Variants in PCDHGA3 observed in about 807,000 individuals in gnomAD.
PCDHGA3 encodes the protein protocadherin gamma subfamily A, 3.
In PCDHGA3, 40 loss-of-function variants were observed where a neutral mutation model predicts 58.5. The observed-to-expected ratio is 0.68, with a 90% CI of 0.53 to 0.89. PCDHGA3 has a LOEUF of 0.89. Among genes scored for constraint, PCDHGA3 ranks in the 40% least tolerant of loss-of-function variants. PCDHGA3 has a pLI of 0.00. For synonymous variants in PCDHGA3, 530 were observed against 525.7 expected (o/e 1.01, Z -0.11); for missense variants, 1,223 against 1,195.9 (o/e 1.02, Z -0.33).
chr5:141,455,104 G>T (rs2098813087), intron 1 of PCDHGA3, among the ~76,000 whole-genome samples: 1 of 151,780 alleles, frequency 6.6e-6, no homozygotes, highest in Non-Finnish European at 1.5e-5. Flanking sequence ...GAGCCACTGC[G>T]CCCGGTGGGT....
At chr5:141,374,130 T>A (rs368568776) in intron 1 of PCDHGA3, 2 of 1,604,204 alleles carry the variant, frequency 1.2e-6, no homozygotes, top group Middle Eastern at 1.7e-4. Context: ...CAGGTCCTGC[T>A]CCTCACGCTC....
Position 141,477,876 on chromosome 5 carries a change from G to A in PCDHGA3, c.2425-16931G>A, listed in dbSNP as rs1412801533. The A allele has an allele frequency of 4.3e-6, 7 of 1,614,144 alleles. No individual in the cohort carries two copies. Among genetic ancestry groups the A allele is most frequent in the Non-Finnish European group, 5.9e-6 (7 of 1,180,030 alleles). ...ATGCTGCCTCGAGGTACCTCAGCTG[G>A]CCACCTAGTGTCACGGGTGGTAGGC... On this transcript the variant is annotated intron_variant, in intron 1 of 3. Coordinates refer to ENST00000253812, the MANE Select transcript of PCDHGA3 (RefSeq NM_018916.4). The surrounding 1 kb of genome is among the most constrained non-coding windows in gnomAD (Gnocchi z 4.9).
At chr5:141,382,059 C>T (rs1480800714) in intron 1 of PCDHGA3, among the ~76,000 whole-genome samples, 1 of 151,960 alleles carries the variant, frequency 6.6e-6, no homozygotes, top group South Asian at 2.1e-4. Context: ...AAGCTCCCGA[C>T]CTCAGGTGAT....
rs1302801559 is a variant in PCDHGA3 at position 141,343,839 on chromosome 5, T to C, written c.-195T>C. On this transcript the variant is annotated 5_prime_UTR_variant, in exon 1 of 4. Transcript: ENST00000253812. ...CTGGAGAACTAGTCCACCATTTCCT[T>C]GCTCCTAAAATGCAAAGAACCAGCA... 3 of 508,398 alleles carry C rather than the reference T, an allele frequency of 5.9e-6. No individual in the cohort carries two copies. Among genetic ancestry groups the C allele is most frequent in the Admixed American group, 7.5e-5 (2 of 26,748 alleles). 31.5% of individuals were successfully genotyped at this position (508,398 alleles called of 1,614,324 possible).
intron 1 of PCDHGA3, among the ~76,000 whole-genome samples, chr5:141,363,857 T>C (rs1243466547): frequency 6.6e-6 from 1 of 152,164 alleles, no homozygotes; most frequent in African/African-American, 2.4e-5. Context: ...GGACTAAATA[T>C]AGATAAGAGG....
intron 1 of PCDHGA3, chr5:141,415,215 C>A: frequency 6.2e-7 from 1 of 1,614,106 alleles, no homozygotes; most frequent in South Asian, 1.1e-5. Flanking sequence ...CGGACCTCGG[C>A]AGCTTCGAGT....
intron 1 of PCDHGA3, chr5:141,441,795 C>T (rs569465359): frequency 2.6e-6 from 1 of 387,758 alleles, no homozygotes; most frequent in Non-Finnish European, 5.1e-6. Flanking sequence ...TGACAACGCA[C>T]CGCGGGTGCT....
chr5:141,451,322 T>C (rs1452969719), intron 1 of PCDHGA3, among the ~76,000 whole-genome samples: 1 of 152,236 alleles, frequency 6.6e-6, no homozygotes, highest in African/African-American at 2.4e-5. Flanking sequence ...AAGTGTCACC[T>C]AAGGCTATTG....
At chr5:141,483,907 C>A (rs545585133) in intron 1 of PCDHGA3, among the ~76,000 whole-genome samples, 1 of 151,240 alleles carries the variant, frequency 6.6e-6, no homozygotes, top group East Asian at 1.9e-4. Context: ...TGGTGTGTTT[C>A]CCACTCAGAT....
At position 141,389,059 on chromosome 5, in the gene PCDHGA3, T is replaced by C. The variant is rs773183818; in HGVS notation, c.2424+42602T>C. The stretch of plus-strand genomic sequence containing the variant: ...TTGGAAGGTGATGTTCCATTTAAAA[T>C]ATTAACTTCTTCAAGAAACACGTAT... On this transcript the variant is annotated intron_variant, in intron 1 of 3. Transcript: ENST00000253812. 4 of 1,613,988 alleles carry C rather than the reference T, an allele frequency of 2.5e-6. No individual in the cohort carries two copies. In the South Asian group the frequency reaches 4.4e-5, roughly 18 times the overall value.
chr5:141,371,657 G>C (rs761215785), intron 1 of PCDHGA3: 5 of 1,613,870 alleles, frequency 3.1e-6, no homozygotes, highest in South Asian at 1.1e-5. Flanking sequence ...ACAATGTGAC[G>C]ATCACAGCTA....
Position 141,485,113 on chromosome 5 carries a change from T to G in PCDHGA3, c.2425-9694T>G. On this transcript the variant is annotated intron_variant, in intron 1 of 3. Transcript: ENST00000253812. This position sits in a 1 kb window ranked among gnomAD's most constrained non-coding sequence, Gnocchi z 5.7. ...AGGTGTCTCCAGCTGCTGTGGCTGTTTGGGGCGGGTCGGCTTCATCCGCGT... is the reference window on the plus strand; with the variant it reads ...AGGTGTCTCCAGCTGCTGTGGCTGTGTGGGGCGGGTCGGCTTCATCCGCGT... 1 of 1,286,014 alleles carries G rather than the reference T, an allele frequency of 7.8e-7. No individual in the cohort carries two copies. Among genetic ancestry groups the G allele is most frequent in the Non-Finnish European group, 1.1e-6 (1 of 898,642 alleles). 79.7% of individuals were successfully genotyped at this position (1,286,014 alleles called of 1,614,324 possible). A position where few individuals can be genotyped will look rare whatever the true frequency, so the allele number is the denominator to read the frequency against.
At chr5:141,414,285 A>G (rs766515802) in intron 1 of PCDHGA3, 1 of 1,613,634 alleles carries the variant, frequency 6.2e-7, no homozygotes, top group East Asian at 2.2e-5. Context: ...GAACAGTCGT[A>G]GCCCTTTTAA....
Position 141,510,957 on chromosome 5 carries a change from T to C in PCDHGA3, c.2583T>C (p.Asp861=), listed in dbSNP as rs372617587. ...MILASASEAA[D]GSSTLGGGAG... ...CCTCTGTCTCTGCAGAAGCTGCTGA[T>C]GGGAGCTCCACCCTGGGAGGGGGTG... Residue 861 remains aspartate, a synonymous_variant, in exon 4 of 4, where the codon GAT becomes GAC. Transcript: ENST00000253812. 2.5e-6 allele frequency: 4 copies of C among 1,614,134 alleles called. No individual in the cohort carries two copies. The highest frequency in any genetic ancestry group is 3.4e-6 in the Non-Finnish European group (4 of 1,180,004).
chr5:141,365,948 C>T, intron 1 of PCDHGA3: 1 of 1,614,186 alleles, frequency 6.2e-7, no homozygotes, highest in Non-Finnish European at 8.5e-7. Context: ...CAGTGGGAAC[C>T]CTCCACTTAG....
At chr5:141,404,878 T>C (rs748965325) in intron 1 of PCDHGA3, 88 of 1,613,722 alleles carry the variant, frequency 5.5e-5, no homozygotes, top group Non-Finnish European at 7.3e-5. Context: ...AACAGAGCCT[T>C]GTGGTGGCTG....
chr5:141,482,500 G>T (rs1409735210), intron 1 of PCDHGA3, among the ~76,000 whole-genome samples: 1 of 133,788 alleles, frequency 7.5e-6, no homozygotes, highest in Non-Finnish European at 1.5e-5. Flanking sequence ...TATCATTCTG[G>T]TACCCAGAGT....
intron 1 of PCDHGA3, chr5:141,384,222 G>A: frequency 1.2e-6 from 2 of 1,613,868 alleles, no homozygotes; most frequent in South Asian, 2.2e-5. Context: ...TATTCATGCA[G>A]GTGGCAGACA....
chr5:141,396,911 T>C (rs756096789), intron 1 of PCDHGA3, among the ~76,000 whole-genome samples: 3 of 152,238 alleles, frequency 2.0e-5, no homozygotes, highest in Non-Finnish European at 4.4e-5. Context: ...CACTTTGCAA[T>C]TTTAAAAACT....
Sources: gnomAD v4.1 joint callset for allele counts (sites outside exome capture counted in the v4.1 genomes callset) on GRCh38, gnomAD v4.1.1 for gene constraint, Gnocchi (gnomAD v3.1) non-coding constraint, MANE v1.5 for transcripts, NCBI Gene and HGNC (gene_info 2026-07-23, HGNC 2026-07-21) for gene names.